SYT1: variants seen among roughly 807,000 people sequenced by gnomAD.
SYT1 encodes the protein synaptotagmin-1.
A neutral mutation model predicts 44.8 loss-of-function variants in SYT1; 8 were observed. The ratio of observed to expected loss-of-function variants is 0.18; its 90% CI spans 0.10 to 0.32. SYT1 has a LOEUF of 0.32. SYT1 is among the 10% of genes least tolerant of loss of function. The pLI is 1.00. For synonymous variants in SYT1, 154 were observed against 188.8 expected, an observed-to-expected ratio of 0.82 and a Z score of 1.51; for missense variants, 286 against 509.3, an observed-to-expected ratio of 0.56 and a Z score of 4.22.
chr12:79,201,861 G>A (rs543366532), intron 3 of SYT1, among the ~76,000 whole-genome samples: 22 of 152,158 alleles, frequency 1.4e-4, no homozygotes, highest in Admixed American at 4.6e-4. Context: ...TGGAAGTTTG[G>A]CACACTCAGT....
At chr12:79,254,255 T>G (rs1044776452) in intron 4 of SYT1, among the ~76,000 whole-genome samples, 1 of 152,174 alleles carries the variant, frequency 6.6e-6, no homozygotes, top group African/African-American at 2.4e-5. Flanking sequence ...TCATTTACCA[T>G]TCCAAAAATT....
chr12:79,107,334 G>A (rs1878773260), intron 3 of SYT1, among the ~76,000 whole-genome samples: 2 of 151,714 alleles, frequency 1.3e-5, no homozygotes, highest in African/African-American at 2.4e-5. Flanking sequence ...ATCTATTATT[G>A]TTCCTGATGA....
chr12:79,362,870 T>C (rs1460339429), intron 9 of SYT1, among the ~76,000 whole-genome samples: 1 of 152,208 alleles, frequency 6.6e-6, no homozygotes, highest in Non-Finnish European at 1.5e-5. Flanking sequence ...TACTTTACAT[T>C]TGGGTTGTAA....
intron 1 of SYT1, among the ~76,000 whole-genome samples, chr12:78,903,730 G>T (rs1875798153): frequency 6.6e-6 from 1 of 151,934 alleles, no homozygotes; most frequent in Admixed American, 6.6e-5. Context: ...ATTGCTGAAT[G>T]AACATGATTT....
intron 1 of SYT1, among the ~76,000 whole-genome samples, chr12:78,959,219 G>T (rs1455241318): frequency 6.6e-6 from 1 of 152,064 alleles, no homozygotes; most frequent in African/African-American, 2.4e-5. Flanking sequence ...AATACAGCAT[G>T]TATATACGTA....
At chr12:78,887,913 T>C (rs1237859601) in intron 1 of SYT1, among the ~76,000 whole-genome samples, 1 of 151,922 alleles carries the variant, frequency 6.6e-6, no homozygotes, top group African/African-American at 2.4e-5. Flanking sequence ...AGGTTTACAC[T>C]GTTAAGATTT....
In SYT1 at chr12:79,210,203, T is replaced by C. The variant is rs147199909; in HGVS notation, c.-17-7300T>C. ...GTTGTCATAGCAATCAAAATCCTGA[T>C]TTTCCTCATTTTATACCACAAAACT... is the stretch of plus-strand genomic sequence containing the variant. On this transcript the variant is annotated intron_variant, in intron 3 of 10. Transcript: ENST00000261205. 2.3e-3 allele frequency among the ~76,000 whole-genome samples: 346 copies of C among 152,270 alleles called. 10 individuals carry two copies. In the East Asian group the frequency reaches 0.051, roughly 22 times the overall value.
chr12:79,137,015 A>C (rs1176833108), intron 3 of SYT1, among the ~76,000 whole-genome samples: 3 of 152,186 alleles, frequency 2.0e-5, no homozygotes, highest in Non-Finnish European at 4.4e-5. Flanking sequence ...TTGCTTCCAC[A>C]AACACAATAA....
At chr12:79,297,524 T>C (rs1879933077) in intron 7 of SYT1, among the ~76,000 whole-genome samples, 1 of 152,114 alleles carries the variant, frequency 6.6e-6, no homozygotes, top group African/African-American at 2.4e-5. Context: ...TGTATTGCAT[T>C]ACCTACATTA....
chr12:79,154,539 T>C (rs1204173791), intron 3 of SYT1, among the ~76,000 whole-genome samples: 1 of 151,970 alleles, frequency 6.6e-6, no homozygotes, highest in African/African-American at 2.4e-5. Context: ...TACACCACTG[T>C]CAGGTAGAGA....
chr12:79,343,978 A>G (rs888150903), intron 8 of SYT1, among the ~76,000 whole-genome samples: 2 of 152,208 alleles, frequency 1.3e-5, no homozygotes, highest in African/African-American at 4.8e-5. Flanking sequence ...ACACCCATTT[A>G]TTAGTTCAGT....
intron 2 of SYT1, among the ~76,000 whole-genome samples, chr12:78,983,028 C>T (rs1314065094): frequency 6.6e-6 from 1 of 151,938 alleles, no homozygotes; most frequent in Non-Finnish European, 1.5e-5. Context: ...ATAAGACCCA[C>T]CAAAATCTTG....
intron 9 of SYT1, among the ~76,000 whole-genome samples, chr12:79,424,407 T>C (rs1247468145): frequency 2.0e-5 from 3 of 152,174 alleles, no homozygotes; most frequent in Non-Finnish European, 4.4e-5. Flanking sequence ...GTTCATTATT[T>C]GTATTTGCAA....
At chr12:79,384,016 A>G (rs1419841291) in intron 9 of SYT1, among the ~76,000 whole-genome samples, 1 of 152,146 alleles carries the variant, frequency 6.6e-6, no homozygotes, top group Non-Finnish European at 1.5e-5. Context: ...TGGATGATTT[A>G]CCCTCCTCTA....
intron 1 of SYT1, among the ~76,000 whole-genome samples, chr12:78,931,288 A>AG (rs1565723594): frequency 4.6e-4 from 44 of 95,246 alleles, no homozygotes; most frequent in East Asian, 2.0e-3. Flanking sequence ...GGAAGGAAGG[A>AG]AGGAAGGAAG....
chr12:79,153,773 TA>T lies in SYT1; in HGVS notation c.-17-63729del, dbSNP rs140615800. Among the ~76,000 whole-genome samples, 613 of 152,216 alleles carry T rather than the reference TA, an allele frequency of 4.0e-3. 30 individuals are homozygous for T. The East Asian group carries it at 0.1, about 26-fold the overall frequency. On this transcript the variant is annotated intron_variant, in intron 3 of 10. Coordinates refer to ENST00000261205, the MANE Select transcript of SYT1 (RefSeq NM_005639.3). ...TAGGTCTTTACTTAAAATGAGTCAT[TA>T]CGATGGTGCTATTTTTCTTTCTACT...
At chr12:78,995,541 C>G (rs7309582) in intron 2 of SYT1, among the ~76,000 whole-genome samples, 24,432 of 152,122 alleles carry the variant, frequency 0.16, 2,332 homozygotes, top group African/African-American at 0.27. Context: ...ATATAAGCAA[C>G]AGCAGTCTCA....
At chr12:79,217,456 G>C (rs1874876807) in intron 3 of SYT1, 47 bp from the exon 4 acceptor site, 1 of 1,458,242 alleles carries the variant, frequency 6.9e-7, no homozygotes. Context: ...TGTGGGAGCA[G>C]TTAAGCCATT....
At chr12:79,380,771 G>A (rs1044614142) in intron 9 of SYT1, among the ~76,000 whole-genome samples, 1 of 152,126 alleles carries the variant, frequency 6.6e-6, no homozygotes, top group Non-Finnish European at 1.5e-5. Flanking sequence ...AGTGGACTTT[G>A]CAAAATGTCC....
Sources: allele counts gnomAD v4.1 joint callset (sites outside exome capture counted in the v4.1 genomes callset), GRCh38; gene constraint gnomAD v4.1.1; transcripts MANE v1.5; gene names NCBI Gene and HGNC (gene_info 2026-07-23, HGNC 2026-07-21).